The following PSD2 variants were observed in gnomAD, a reference collection of about 807,000 sequenced individuals.
The protein encoded by PSD2 is pleckstrin and Sec7 domain containing 2.
PSD2 carries 38 observed loss-of-function variants against 69.8 expected under a neutral mutation model. The observed-to-expected ratio is 0.54, with a 90% CI of 0.42 to 0.71. The LOEUF is 0.71. PSD2 is among the 30% of genes least tolerant of loss of function. The pLI, the probability that PSD2 is intolerant of heterozygous loss-of-function variation, is 0.00. For synonymous variants in PSD2, 412 were observed against 423.0 expected (o/e 0.97, Z 0.32); for missense variants, 943 against 1,014.5 (o/e 0.93, Z 0.96).
At chr5:139,774,644 C>T in the PSD2 span, among the ~76,000 whole-genome samples, 1 of 152,180 alleles carries the variant, frequency 6.6e-6, no homozygotes, top group Non-Finnish European at 1.5e-5. Context: ...GAGCCCACCA[C>T]CACGCCCGGC....
the PSD2 span, chr5:139,742,481 C>T: frequency 2.6e-5 from 4 of 152,644 alleles, 1 homozygote; most frequent in South Asian, 8.3e-4. Flanking sequence ...AGCCCTTCCC[C>T]TCTCCCTGTG....
Position 139,813,302 on chromosome 5 carries a change from C to T in PSD2, c.372-7C>T, listed in dbSNP as rs1024509305. ...CAGGATGGTGACTGGCTCCTTGCAT[C>T]CCACAGGTTGGATGGTCCCGGGGAG... On this transcript the variant is annotated splice_polypyrimidine_tract_variant and splice_region_variant and intron_variant, in intron 2 of 14. Coordinates refer to ENST00000274710, the MANE Select transcript of PSD2 (RefSeq NM_032289.4). 1.3e-6 allele frequency: 2 copies of T among 1,526,978 alleles called. No individual in the cohort carries two copies. The highest frequency in any genetic ancestry group is 2.7e-5 in the African/African-American group (2 of 72,786). 94.6% of individuals were successfully genotyped at this position (1,526,978 alleles called of 1,614,324 possible). A position where few individuals can be genotyped will look rare whatever the true frequency, so the allele number is the denominator to read the frequency against.
chr5:139,824,558 G>A (rs1326570342), intron 7 of PSD2, among the ~76,000 whole-genome samples: 4 of 151,886 alleles, frequency 2.6e-5, no homozygotes, highest in Admixed American at 6.6e-5. Context: ...CACCACGCCC[G>A]GCTAATTTTT....
In PSD2 at chr5:139,813,657, C is replaced by T; in HGVS notation, c.720C>T (p.Leu240=). 6.2e-7 allele frequency: 1 copy of T among 1,613,946 alleles called. No individual in the cohort carries two copies. Among genetic ancestry groups the T allele is most frequent in the Non-Finnish European group, 8.5e-7 (1 of 1,179,966 alleles). Residue 240 remains leucine (L), a synonymous_variant, in exon 3 of 15, where the codon CTC becomes CTT. Transcript: ENST00000274710. ...AGAATGTCCTGAGCCGCCTGTCTCT[C>T]ATGGCCATGCCCAATGGATTCCATG... ...RSENVLSRLS[L]MAMPNGFHED...
At chr5:139,762,163 C>T in the PSD2 span, among the ~76,000 whole-genome samples, 2 of 151,904 alleles carry the variant, frequency 1.3e-5, no homozygotes, top group Non-Finnish European at 2.9e-5. Flanking sequence ...CTGCCTCAAC[C>T]TCCCAAGTAG....
At chr5:139,744,787 G>C in the PSD2 span, 1 of 152,312 alleles carries the variant, frequency 6.6e-6, no homozygotes, top group Admixed American at 6.5e-5. Context: ...GTGGGACTTG[G>C]CAATCTTGTC....
chr5:139,751,543 G>C, the PSD2 span, among the ~76,000 whole-genome samples: 9 of 152,208 alleles, frequency 5.9e-5, no homozygotes, highest in African/African-American at 2.2e-4. Flanking sequence ...TTTGCAATTA[G>C]ACAAACCCAG....
At chr5:139,747,243 C>G in the PSD2 span, among the ~76,000 whole-genome samples, 22 of 152,140 alleles carry the variant, frequency 1.4e-4, no homozygotes, top group African/African-American at 1.2e-4. The surrounding 1 kb of genome is among the most constrained non-coding windows in gnomAD (Gnocchi z 6.7). Flanking sequence ...TGTCTCCCCC[C>G]CTTCAGTTAC....
At chr5:139,832,910 G>A (rs1760627722) in intron 7 of PSD2, among the ~76,000 whole-genome samples, 1 of 152,148 alleles carries the variant, frequency 6.6e-6, no homozygotes, top group African/African-American at 2.4e-5. Context: ...GCAGAACTTG[G>A]GGATTTAGTC....
chr5:139,842,650 G>C lies in PSD2; in HGVS notation c.*176G>C, dbSNP rs1365207986. On this transcript the variant is annotated 3_prime_UTR_variant, in exon 15 of 15. Transcript: ENST00000274710. ...TGCCGTTTGTGGCGTTGATCTCCTTGCGTCCTTGGGCATCTCCGGGCATCA... is the reference window on the plus strand; with the variant it reads ...TGCCGTTTGTGGCGTTGATCTCCTTCCGTCCTTGGGCATCTCCGGGCATCA... 9.9e-6 allele frequency: 6 copies of C among 606,266 alleles called. No homozygotes were observed. The East Asian group carries it at 1.7e-4, about 17-fold the overall frequency. 37.6% of individuals were successfully genotyped at this position (606,266 alleles called of 1,614,324 possible).
At chr5:139,821,775 G>A in intron 5 of PSD2, 118 bp from the exon 6 acceptor site, 1 of 580,914 alleles carries the variant, frequency 1.7e-6, no homozygotes, top group East Asian at 3.0e-5. Flanking sequence ...TCCAGACCCA[G>A]AGAGTGGGGC....
At chr5:139,755,156 C>T in the PSD2 span, among the ~76,000 whole-genome samples, 10 of 152,226 alleles carry the variant, frequency 6.6e-5, no homozygotes, top group Non-Finnish European at 1.5e-5. Flanking sequence ...GCGCCACCCA[C>T]GCCCCTTCCC....
chr5:139,762,527 A>T, the PSD2 span, among the ~76,000 whole-genome samples: 1 of 152,254 alleles, frequency 6.6e-6, no homozygotes, highest in Non-Finnish European at 1.5e-5. Context: ...TGTTATGTAT[A>T]GACCCAGGTA....
At chr5:139,784,034 T>C in the PSD2 span, among the ~76,000 whole-genome samples, 1 of 147,628 alleles carries the variant, frequency 6.8e-6, no homozygotes, top group Non-Finnish European at 1.5e-5. Flanking sequence ...AGCAACCTCC[T>C]GGGTTCAAGT....
the PSD2 span, among the ~76,000 whole-genome samples, chr5:139,785,563 C>T: frequency 1.2e-4 from 19 of 152,248 alleles, no homozygotes; most frequent in East Asian, 1.2e-3. Context: ...CTGTGATGCT[C>T]GTCACTGTCT....
chr5:139,759,968 G>GCC, the PSD2 span, among the ~76,000 whole-genome samples: 2 of 152,224 alleles, frequency 1.3e-5, no homozygotes, highest in Non-Finnish European at 2.9e-5. Context: ...GCCAGGCCTT[G>GCC]CCCAAGGTCA....
the PSD2 span, among the ~76,000 whole-genome samples, chr5:139,766,926 TTCCC>T: frequency 0.13 from 4,470 of 34,946 alleles, 419 homozygotes; most frequent in African/African-American, 0.18. Context: ...CCTTCCTTCC[TTCCC>T]TTCTTTCTTT....
chr5:139,810,213 T>C (rs1237014750), intron 2 of PSD2, among the ~76,000 whole-genome samples: 2 of 152,168 alleles, frequency 1.3e-5, no homozygotes, highest in South Asian at 4.1e-4. Context: ...AAAGCCGGCT[T>C]TAGGCTTTAA....
At position 139,821,900 on chromosome 5, in the gene PSD2, T is replaced by C; in HGVS notation, c.1105T>C (p.Leu369=). 5.6e-6 allele frequency: 9 copies of C among 1,605,366 alleles called. No homozygotes were observed. Among genetic ancestry groups the C allele is most frequent in the Non-Finnish European group, 7.7e-6 (9 of 1,174,896 alleles). The change falls in exon 6 of 15, where the codon TTG becomes CTG. Residue 369 remains leucine, a synonymous_variant. Transcript: ENST00000274710. ...LTLDGALRTF[L]KAFPLMGETQ... ...CTTTGAATTGCCTTCCAGAACATTC[T>C]TGAAGGCCTTCCCGCTGATGGGGGA...
Sources: gnomAD v4.1 joint callset for allele counts (sites outside exome capture counted in the v4.1 genomes callset) on GRCh38, gnomAD v4.1.1 for gene constraint, Gnocchi (gnomAD v3.1) non-coding constraint, MANE v1.5 for transcripts, NCBI Gene and HGNC (gene_info 2026-07-23, HGNC 2026-07-21) for gene names.